DPP10: variants seen among roughly 807,000 people sequenced by gnomAD.
The protein encoded by DPP10 is inactive dipeptidyl peptidase 10.
DPP10 carries 33 observed loss-of-function variants against 120.9 expected under a neutral mutation model. That is an observed-to-expected ratio of 0.27 (90% confidence interval 0.21 to 0.37). DPP10 has a LOEUF of 0.37. Among genes scored for constraint, DPP10 ranks in the 10% least tolerant of loss-of-function variants. The pLI, the probability that DPP10 is intolerant of heterozygous loss-of-function variation, is 1.00. For missense variants in DPP10, 816 were observed against 942.8 expected, an observed-to-expected ratio of 0.87 and a Z score of 1.76; for synonymous variants, 337 against 326.1, an observed-to-expected ratio of 1.03 and a Z score of -0.36.
intron 1 of DPP10, among the ~76,000 whole-genome samples, chr2:114,838,619 T>A (rs1687922213): frequency 6.6e-6 from 1 of 152,184 alleles, no homozygotes; most frequent in Admixed American, 6.5e-5. Context: ...TTTCAAATTT[T>A]AAATTTTTAA....
chr2:114,494,805 A>C (rs1280144016), intron 1 of DPP10, among the ~76,000 whole-genome samples: 1 of 152,174 alleles, frequency 6.6e-6, no homozygotes, highest in South Asian at 2.1e-4. Context: ...ATTTTTAGAA[A>C]ATAGTAGTTT....
chr2:114,645,930 G>A (rs928645683), intron 1 of DPP10, among the ~76,000 whole-genome samples: 1 of 152,214 alleles, frequency 6.6e-6, no homozygotes, highest in African/African-American at 2.4e-5. Flanking sequence ...TGGGAGGCAA[G>A]GCAGGCGGAT....
At chr2:114,910,279 T>C (rs1224633696) in intron 1 of DPP10, among the ~76,000 whole-genome samples, 1 of 151,974 alleles carries the variant, frequency 6.6e-6, no homozygotes, top group Admixed American at 6.5e-5. Context: ...CTTCTAGTTT[T>C]ATAATAATTA....
At chr2:115,249,339 C>A (rs1389008544) in intron 1 of DPP10, among the ~76,000 whole-genome samples, 1 of 152,014 alleles carries the variant, frequency 6.6e-6, no homozygotes, top group Non-Finnish European at 1.5e-5. Flanking sequence ...ATTAGTTGGA[C>A]CTTTATAATA....
chr2:115,750,002 C>T, intron 10 of DPP10: 1 of 985,370 alleles, frequency 1.0e-6, no homozygotes, highest in Middle Eastern at 5.2e-4. Context: ...TCAAGAGGAC[C>T]AGATCCTCGA....
At chr2:114,748,588 A>G (rs1414297268) in intron 1 of DPP10, among the ~76,000 whole-genome samples, 3 of 84,850 alleles carry the variant, frequency 3.5e-5, no homozygotes, top group Non-Finnish European at 6.4e-5. Flanking sequence ...AGAGTGTGAT[A>G]TTCCCCTTCC....
At chr2:115,071,199 C>T (rs1707338259) in intron 1 of DPP10, among the ~76,000 whole-genome samples, 1 of 152,094 alleles carries the variant, frequency 6.6e-6, no homozygotes, top group African/African-American at 2.4e-5. Flanking sequence ...TATAACCTTT[C>T]TTCTACCTAC....
In DPP10 at chr2:114,453,849, TATGTTAATTCAACAA is replaced by T. The variant is rs1225452871; in HGVS notation, c.60+11018_60+11032del. On this transcript the variant is annotated intron_variant, in intron 1 of 25. Transcript: ENST00000410059. ...TGTGTTCTGATATTTTGTCTATCCATATGTTAATTCAACAAATGTTAGTTGGATATACAATAGATA... is the reference window on the plus strand; with the variant it reads ...TGTGTTCTGATATTTTGTCTATCCATATGTTAGTTGGATATACAATAGATA... 2.6e-5 allele frequency among the ~76,000 whole-genome samples: 4 copies of T among 152,352 alleles called. No individual in the cohort carries two copies. In the East Asian group the frequency reaches 7.7e-4, roughly 29 times the overall value.
intron 3 of DPP10, chr2:115,468,522 G>A: frequency 2.3e-6 from 1 of 434,220 alleles, no homozygotes; most frequent in Non-Finnish European, 4.5e-6. Flanking sequence ...GTGCTATGTG[G>A]ACATTGCCAT....
chr2:114,589,577 G>T (rs1691287807), intron 1 of DPP10, among the ~76,000 whole-genome samples: 1 of 152,138 alleles, frequency 6.6e-6, no homozygotes, highest in African/African-American at 2.4e-5. Flanking sequence ...CTTGAGGGTG[G>T]TTATAAGTGT....
At chr2:115,482,632 C>G (rs2075510071) in intron 3 of DPP10, among the ~76,000 whole-genome samples, 1 of 151,960 alleles carries the variant, frequency 6.6e-6, no homozygotes, top group Non-Finnish European at 1.5e-5. Flanking sequence ...ATGCCATATG[C>G]AGCTCTTTAT....
At chr2:115,537,410 C>A (rs1414167069) in intron 5 of DPP10, among the ~76,000 whole-genome samples, 1 of 151,874 alleles carries the variant, frequency 6.6e-6, no homozygotes, top group East Asian at 1.9e-4. Context: ...AAGTGAGTCC[C>A]TATATATTTG....
At chr2:115,308,062 A>G (rs1000331474) in intron 1 of DPP10, among the ~76,000 whole-genome samples, 10 of 152,108 alleles carry the variant, frequency 6.6e-5, no homozygotes, top group African/African-American at 2.4e-4. Flanking sequence ...CCTCCTATGC[A>G]TGGTTTCTTC....
At chr2:115,003,011 G>T (rs755703919) in intron 1 of DPP10, among the ~76,000 whole-genome samples, 2 of 151,786 alleles carry the variant, frequency 1.3e-5, no homozygotes, top group South Asian at 2.1e-4. Flanking sequence ...TCATTACTGG[G>T]TATATACTCA....
chr2:115,688,022 GAGAGAGAGAAAA>G (rs2091099449), intron 5 of DPP10, among the ~76,000 whole-genome samples: 1 of 138,784 alleles, frequency 7.2e-6, no homozygotes, highest in Admixed American at 7.1e-5. Flanking sequence ...AGCTTTCTGA[GAGAGAGAGAAAA>G]AGAGAGAGAG....
chr2:114,628,218 G>T (rs1694656591), intron 1 of DPP10, among the ~76,000 whole-genome samples: 1 of 152,032 alleles, frequency 6.6e-6, no homozygotes, highest in African/African-American at 2.4e-5. Context: ...ATTTGAAGAG[G>T]CCAGTATTTT....
At chr2:115,487,143 A>T (rs2075824979) in intron 3 of DPP10, among the ~76,000 whole-genome samples, 1 of 151,326 alleles carries the variant, frequency 6.6e-6, no homozygotes, top group African/African-American at 2.4e-5. Flanking sequence ...TTCAAAGAGA[A>T]TAAAATACCT....
chr2:115,438,102 A>T (rs1285823360), intron 3 of DPP10, among the ~76,000 whole-genome samples: 1 of 152,062 alleles, frequency 6.6e-6, no homozygotes, highest in Non-Finnish European at 1.5e-5. Context: ...AACCATGATT[A>T]AAAAATGGTG....
At chr2:115,072,791 C>CT (rs974677059) in intron 1 of DPP10, among the ~76,000 whole-genome samples, 81 of 151,368 alleles carry the variant, frequency 5.4e-4, no homozygotes, top group African/African-American at 1.7e-3. Context: ...AATATATTTT[C>CT]TTTTTTTTTG....
Sources: allele counts gnomAD v4.1 joint callset (sites outside exome capture counted in the v4.1 genomes callset), GRCh38; gene constraint gnomAD v4.1.1; transcripts MANE v1.5; gene names NCBI Gene and HGNC (gene_info 2026-07-23, HGNC 2026-07-21).